Variants in EPHA4 observed in about 807,000 individuals in gnomAD.
The protein encoded by EPHA4 is EPH receptor A4.
Under a neutral mutation model 108.3 loss-of-function variants are expected in EPHA4, and 19 were observed. The ratio of observed to expected loss-of-function variants is 0.18; its 90% confidence interval spans 0.12 to 0.26. EPHA4 has a LOEUF of 0.26. Ranked by LOEUF, EPHA4 falls within the 10% of genes least tolerant of loss-of-function variation. The pLI, the probability that EPHA4 is intolerant of heterozygous loss-of-function variation, is 1.00. For missense variants in EPHA4, 917 were observed against 1,254.0 expected, an observed-to-expected ratio of 0.73 and a Z score of 4.06; for synonymous variants, 449 against 455.5, an observed-to-expected ratio of 0.99 and a Z score of 0.18.
intron 3 of EPHA4, among the ~76,000 whole-genome samples, chr2:221,522,958 G>C (rs923325586): frequency 1.3e-5 from 2 of 151,856 alleles, no homozygotes; most frequent in Non-Finnish European, 2.9e-5. Flanking sequence ...CACCATGTTC[G>C]CCAGGCTGGT....
intron 5 of EPHA4, among the ~76,000 whole-genome samples, chr2:221,477,029 G>A (rs1691673975): frequency 6.7e-6 from 1 of 149,696 alleles, no homozygotes; most frequent in Admixed American, 6.7e-5. Flanking sequence ...TTATAATGAG[G>A]TGTAATGCCA....
chr2:221,497,096 G>C (rs1166668964), intron 4 of EPHA4, among the ~76,000 whole-genome samples: 2 of 152,114 alleles, frequency 1.3e-5, no homozygotes, highest in Non-Finnish European at 2.9e-5. Flanking sequence ...GAGAGGCAGT[G>C]AGATAGCTGT....
rs771806891 is a variant in EPHA4 at position 221,458,008 on chromosome 2, A to C, written c.1319-18T>G. ...TGATGGTGCTGTTAGAAAAAAACAA[A>C]AGACAAAAGATATTTTCTTTAGGAA... is the stretch of plus-strand genomic sequence containing the variant. On this transcript the variant is annotated intron_variant, in intron 5 of 17. Coordinates refer to ENST00000281821, the MANE Select transcript of EPHA4 (RefSeq NM_004438.5). 1 of 1,599,812 alleles carries C rather than the reference A, an allele frequency of 6.3e-7. No individual in the cohort carries two copies. The highest frequency in any genetic ancestry group is 8.5e-7 in the Non-Finnish European group (1 of 1,174,818).
At chr2:221,481,447 C>T (rs558468870) in intron 5 of EPHA4, among the ~76,000 whole-genome samples, 34 of 151,128 alleles carry the variant, frequency 2.2e-4, no homozygotes, top group Admixed American at 1.1e-3. Flanking sequence ...GTCAGGAGTT[C>T]GAGACCAGCC....
At chr2:221,546,199 A>C (rs181400071) in intron 3 of EPHA4, among the ~76,000 whole-genome samples, 252 of 152,314 alleles carry the variant, frequency 1.7e-3, no homozygotes, top group Middle Eastern at 6.8e-3. Flanking sequence ...GGGGCAGCTG[A>C]AACCCCAGTG....
At chr2:221,444,423 G>A (rs1272020773) in intron 9 of EPHA4, among the ~76,000 whole-genome samples, 3 of 151,930 alleles carry the variant, frequency 2.0e-5, no homozygotes, top group African/African-American at 7.2e-5. Context: ...TGGGGCACTG[G>A]GGCACAGAGG....
chr2:221,572,168 G>A lies in EPHA4; in HGVS notation c.81C>T (p.Pro27=). Reference sequence around the variant, plus strand: ...CCGTCCCGCTCTTACCTTCATTCGCGGGGTATACCCTGGAACCTGTGACAG... The same window carrying A: ...CCGTCCCGCTCTTACCTTCATTCGCAGGGTATACCCTGGAACCTGTGACAG... ...CDAVTGSRVY[P]ANEVTLLDSR... is the part of the protein sequence containing the mutation. Residue 27 remains proline (P), a synonymous_variant, in exon 1 of 18, where the codon CCC becomes CCT. Coordinates refer to ENST00000281821, the MANE Select transcript of EPHA4 (RefSeq NM_004438.5). 6.2e-7 allele frequency: 1 copy of A among 1,613,778 alleles called. No homozygotes were observed. The highest frequency in any genetic ancestry group is 8.5e-7 in the Non-Finnish European group (1 of 1,179,718).
rs1173375170 is a variant in EPHA4 at position 221,566,921 on chromosome 2, A to G, written c.159+1797T>C. Among the ~76,000 whole-genome samples, 21 of 52,848 alleles carry G rather than the reference A, an allele frequency of 4.0e-4. 4 individuals carry two copies. The highest frequency in any genetic ancestry group is 5.9e-4 in the Admixed American group (3 of 5,100). The allele number at this position is 52,848 out of a possible 152,430, so 34.7% of individuals were successfully genotyped here. A position where few individuals can be genotyped will look rare whatever the true frequency, so the allele number is the denominator to read the frequency against. On this transcript the variant is annotated intron_variant, in intron 2 of 17. Transcript: ENST00000281821. Reference sequence around the variant, plus strand: ...GAGAAGGAGAAGGAGAAGGAGAAGGAGAAGGAGAAGGAGAAGGAGAAGGAG... The same window carrying G: ...GAGAAGGAGAAGGAGAAGGAGAAGGGGAAGGAGAAGGAGAAGGAGAAGGAG...
chr2:221,480,440 G>A (rs867198175), intron 5 of EPHA4, among the ~76,000 whole-genome samples: 5 of 152,154 alleles, frequency 3.3e-5, no homozygotes, highest in South Asian at 2.1e-4. Context: ...TGCAGAAATC[G>A]TTCTGCATTG....
chr2:221,471,717 G>A (rs773861928), intron 5 of EPHA4, among the ~76,000 whole-genome samples: 9 of 152,088 alleles, frequency 5.9e-5, no homozygotes, highest in Non-Finnish European at 8.8e-5. Flanking sequence ...CCTTGGAGCC[G>A]CACCTGAATT....
At chr2:221,497,361 A>G (rs1169796416) in intron 4 of EPHA4, among the ~76,000 whole-genome samples, 1 of 152,222 alleles carries the variant, frequency 6.6e-6, no homozygotes, top group East Asian at 1.9e-4. Flanking sequence ...TCCGATCAGC[A>G]AGTTGATGGC....
intron 17 of EPHA4, among the ~76,000 whole-genome samples, chr2:221,420,833 G>A (rs767944436): frequency 6.6e-6 from 1 of 152,102 alleles, no homozygotes; most frequent in Non-Finnish European, 1.5e-5. Context: ...AGGAGACTAA[G>A]TACCCTGCCC....
intron 2 of EPHA4, 119 bp downstream of exon 2, chr2:221,568,599 C>T: frequency 2.9e-6 from 2 of 701,312 alleles, no homozygotes; most frequent in East Asian, 5.4e-5. Context: ...ACTTCATAGG[C>T]CACAGCGGAA....
intron 3 of EPHA4, among the ~76,000 whole-genome samples, chr2:221,540,524 C>T (rs1198776440): frequency 6.6e-6 from 1 of 152,122 alleles, no homozygotes; most frequent in East Asian, 1.9e-4. Flanking sequence ...ATGAATACAC[C>T]ACAAAACCTG....
intron 3 of EPHA4, among the ~76,000 whole-genome samples, chr2:221,560,695 T>G (rs1274928550): frequency 1.3e-5 from 2 of 152,188 alleles, no homozygotes; most frequent in East Asian, 3.9e-4. Context: ...CAACCCCAAG[T>G]CCTCATTGCA....
chr2:221,502,852 C>T (rs1574617454), intron 3 of EPHA4, among the ~76,000 whole-genome samples: 1 of 152,288 alleles, frequency 6.6e-6, no homozygotes, highest in East Asian at 1.9e-4. Flanking sequence ...CAATCTCTCC[C>T]TTATTTGCTT....
intron 8 of EPHA4, 117 bp from the exon 9 acceptor site, chr2:221,446,298 A>AGAGAT: frequency 2.2e-6 from 1 of 462,924 alleles, no homozygotes; most frequent in South Asian, 6.9e-5. Context: ...TGTACATTTC[A>AGAGAT]GAGATGAGAA....
intron 5 of EPHA4, among the ~76,000 whole-genome samples, chr2:221,459,641 A>G (rs1691079839): frequency 6.6e-6 from 1 of 152,196 alleles, no homozygotes; most frequent in Non-Finnish European, 1.5e-5. Flanking sequence ...AACAAAATGC[A>G]AAAAGTGACT....
chr2:221,512,877 C>T (rs1233696621), intron 3 of EPHA4, among the ~76,000 whole-genome samples: 1 of 152,186 alleles, frequency 6.6e-6, no homozygotes, highest in African/African-American at 2.4e-5. Flanking sequence ...AGGCTGTTCC[C>T]TTCAGGAAGG....
Sources: allele counts gnomAD v4.1 joint callset (sites outside exome capture counted in the v4.1 genomes callset), GRCh38; gene constraint gnomAD v4.1.1; transcripts MANE v1.5; gene names NCBI Gene and HGNC (gene_info 2026-07-23, HGNC 2026-07-21).